PXDN: variants seen among roughly 807,000 people sequenced by gnomAD.
PXDN encodes peroxidasin homolog.
A neutral mutation model predicts 140.3 loss-of-function variants in PXDN; 77 were observed. That is an observed-to-expected ratio of 0.55 (90% CI 0.46 to 0.66). PXDN has a LOEUF of 0.66. PXDN is among the 30% of genes least tolerant of loss of function. PXDN has a pLI of 0.00. For synonymous variants in PXDN, 911 were observed against 857.4 expected, an observed-to-expected ratio of 1.06 and a Z score of -1.09; for missense variants, 1,838 against 2,039.5, an observed-to-expected ratio of 0.90 and a Z score of 1.90.
chr2:1,681,201 G>A (rs368152739), intron 6 of PXDN, among the ~76,000 whole-genome samples: 1 of 152,306 alleles, frequency 6.6e-6, no homozygotes, highest in East Asian at 1.9e-4. Context: ...TGCCATTTGC[G>A]GCGGGGAGAA....
At chr2:1,721,502 C>T (rs1378382219) in intron 1 of PXDN, among the ~76,000 whole-genome samples, 2 of 152,216 alleles carry the variant, frequency 1.3e-5, no homozygotes, top group African/African-American at 4.8e-5. Flanking sequence ...TGACTCCAGG[C>T]TCTAGTGAAA....
chr2:1,640,144 C>A (rs928506799), intron 19 of PXDN, among the ~76,000 whole-genome samples: 24 of 150,892 alleles, frequency 1.6e-4, no homozygotes, highest in African/African-American at 5.1e-4. Context: ...AGTGAGGGGC[C>A]CTCAGTGCCG....
At position 1,728,062 on chromosome 2, in the gene PXDN, G is replaced by A. The variant is rs191468098; in HGVS notation, c.200+16194C>T. Among the ~76,000 whole-genome samples the A allele has an allele frequency of 2.7e-4, 41 of 152,260 alleles. No individual in the cohort carries two copies. In the East Asian group the frequency reaches 7.8e-3, roughly 29 times the overall value. Reference sequence around the variant, plus strand: ...GCAATCCTCCTGCCTCAGCCTCCAAGTGAGTAGCCAGGACTACAGGCGTAT... The same window carrying A: ...GCAATCCTCCTGCCTCAGCCTCCAAATGAGTAGCCAGGACTACAGGCGTAT... On this transcript the variant is annotated intron_variant, in intron 1 of 22. Transcript: ENST00000252804.
At chr2:1,636,933 C>A (rs1012489617) in intron 21 of PXDN, 3 of 152,214 alleles carry the variant, frequency 2.0e-5, no homozygotes, top group African/African-American at 4.8e-5. Context: ...GGGAAATGAC[C>A]ACAGACGGCA....
Position 1,639,489 on chromosome 2 carries a change from C to T in PXDN, c.3953-67G>A. On this transcript the variant is annotated intron_variant, in intron 19 of 22. Coordinates refer to ENST00000252804, the MANE Select transcript of PXDN (RefSeq NM_012293.3). The surrounding 1 kb of genome is among the most constrained non-coding windows in gnomAD (Gnocchi z 5.0). ...CTGACCTCGGGGAAATTAAGCACAT[C>T]CTGCCAACTATGAAGTCTTCACTGG... 6.2e-7 allele frequency: 1 copy of T among 1,605,264 alleles called. No homozygotes were observed. The highest frequency in any genetic ancestry group is 1.1e-5 in the South Asian group (1 of 90,534).
In PXDN at chr2:1,638,029, A is replaced by G. The variant is rs534511312; in HGVS notation, c.4206+817T>C. On this transcript the variant is annotated intron_variant, in intron 21 of 22. Transcript: ENST00000252804. ...GGGCAGGCACAGGAGTAGTCAGGGT[A>G]CCTCTCCCTGTGGCTGGGGGTTACC... Among the ~76,000 whole-genome samples, 6 of 152,240 alleles carry G rather than the reference A, an allele frequency of 3.9e-5. No individual in the cohort carries two copies. In the South Asian group the frequency reaches 1.2e-3, roughly 32 times the overall value.
chr2:1,650,382 C>A (rs960419364), intron 16 of PXDN, among the ~76,000 whole-genome samples: 1 of 152,226 alleles, frequency 6.6e-6, no homozygotes, highest in African/African-American at 2.4e-5. Context: ...CTGGCACAGG[C>A]TCCGACTAGG....
In PXDN at chr2:1,634,228, C is replaced by T; in HGVS notation, c.4416G>A (p.Gln1472=). Residue 1472 remains glutamine, a synonymous_variant, in exon 23 of 23, where the codon CAG becomes CAA. Transcript: ENST00000252804. ...CCTAGGGCTTTTCCTCCGCCCTCTT[C>T]TGTAAGCAGACTGGACAGCAGGCCC... ...IPGACCPVCL[Q]KRAEEKP is the part of the protein sequence containing the mutation. The T allele has an allele frequency of 6.2e-7, 1 of 1,600,290 alleles. No homozygotes were observed. The highest frequency in any genetic ancestry group is 8.5e-7 in the Non-Finnish European group (1 of 1,173,478).
chr2:1,658,789 C>CT (rs1558495150), intron 14 of PXDN, among the ~76,000 whole-genome samples: 1 of 132,094 alleles, frequency 7.6e-6, no homozygotes, highest in Admixed American at 8.1e-5. Flanking sequence ...ACCCCAGGAC[C>CT]CCCCCACTCT....
intron 14 of PXDN, among the ~76,000 whole-genome samples, chr2:1,654,725 A>G (rs182181913): frequency 6.6e-6 from 1 of 152,302 alleles, no homozygotes; most frequent in Non-Finnish European, 1.5e-5. Flanking sequence ...AAATCATGTT[A>G]TACCTAAGAA....
chr2:1,659,535 A>C (rs2125421778), intron 14 of PXDN, among the ~76,000 whole-genome samples: 1 of 152,320 alleles, frequency 6.6e-6, no homozygotes, highest in Middle Eastern at 3.4e-3. Context: ...ACCTTTTTAT[A>C]AAAGGAAAAG....
At chr2:1,720,715 C>CTCTCTGCATCTT (rs1199626810) in intron 1 of PXDN, among the ~76,000 whole-genome samples, 1 of 76,380 alleles carries the variant, frequency 1.3e-5, no homozygotes, top group African/African-American at 5.7e-5. Context: ...CTTTCTCTCT[C>CTCTCTGCATCTT]TCTCTCTCTC....
chr2:1,719,392 G>A (rs997529178), intron 1 of PXDN, among the ~76,000 whole-genome samples: 4 of 152,186 alleles, frequency 2.6e-5, no homozygotes, highest in Admixed American at 6.5e-5. Context: ...TCCCCAGCAC[G>A]AATCCTTACA....
intron 3 of PXDN, 129 bp downstream of exon 3, chr2:1,691,799 T>C: frequency 3.2e-6 from 2 of 616,240 alleles, no homozygotes. Context: ...TTTACTCACC[T>C]TCTCAAAATA....
At chr2:1,692,072 G>T in intron 2 of PXDN, 73 bp from the exon 3 acceptor site, 2 of 1,110,364 alleles carry the variant, frequency 1.8e-6, no homozygotes, top group Non-Finnish European at 1.3e-6. Context: ...AAAACATTCC[G>T]ACAGCCTTGG....
At chr2:1,653,844 C>T (rs868716761) in intron 15 of PXDN, 59 bp from the exon 16 acceptor site, 1 of 1,438,534 alleles carries the variant, frequency 7.0e-7, no homozygotes, top group Non-Finnish European at 9.4e-7. Flanking sequence ...AGATAAAATT[C>T]ATAGTACCCC....
At chr2:1,657,485 G>A (rs1042092064) in intron 14 of PXDN, among the ~76,000 whole-genome samples, 2 of 150,478 alleles carry the variant, frequency 1.3e-5, no homozygotes, top group East Asian at 2.0e-4. Context: ...GCTGCCTCCC[G>A]ACTGAAGCCT....
intron 14 of PXDN, among the ~76,000 whole-genome samples, chr2:1,658,796 C>G (rs779065751): frequency 3.6e-5 from 5 of 138,388 alleles, no homozygotes; most frequent in African/African-American, 5.5e-5. Flanking sequence ...GACCCCCCCA[C>G]TCTACTCTCC....
chr2:1,658,046 CT>C (rs1683195981), intron 14 of PXDN, among the ~76,000 whole-genome samples: 3 of 115,658 alleles, frequency 2.6e-5, no homozygotes, highest in South Asian at 3.3e-4. Flanking sequence ...CTCTCTCTCT[CT>C]CTCTCTCTCT....
Sources: allele counts gnomAD v4.1 joint callset (sites outside exome capture counted in the v4.1 genomes callset), GRCh38; gene constraint gnomAD v4.1.1; non-coding constraint Gnocchi (gnomAD v3.1); transcripts MANE v1.5; gene names NCBI Gene and HGNC (gene_info 2026-07-23, HGNC 2026-07-21).